PCGF5: variants seen among roughly 807,000 people sequenced by gnomAD.
PCGF5 encodes the protein polycomb group ring finger 5.
A neutral mutation model predicts 44.3 loss-of-function variants in PCGF5; 9 were observed. That is an observed-to-expected ratio of 0.20 (90% CI 0.12 to 0.35). The LOEUF (loss-of-function observed/expected upper bound fraction) is 0.35, where lower values mean the gene tolerates loss of function less well. Ranked by LOEUF, PCGF5 falls within the 10% of genes least tolerant of loss-of-function variation. PCGF5 has a pLI of 1.00. For missense variants in PCGF5, 146 were observed against 305.3 expected, an observed-to-expected ratio of 0.48 and a Z score of 3.89; for synonymous variants, 95 against 102.5, an observed-to-expected ratio of 0.93 and a Z score of 0.44.
intron 6 of PCGF5, among the ~76,000 whole-genome samples, chr10:91,252,112 C>T (rs1381254140): frequency 6.6e-6 from 1 of 151,872 alleles, no homozygotes; most frequent in Non-Finnish European, 1.5e-5. Context: ...TGTTTTCTAC[C>T]TTTTTATTAC....
intron 1 of PCGF5, among the ~76,000 whole-genome samples, chr10:91,193,978 T>C (rs1844081765): frequency 6.6e-6 from 1 of 152,154 alleles, no homozygotes; most frequent in Non-Finnish European, 1.5e-5. Context: ...GGATGATTCC[T>C]TGGGTTCAGG....
In PCGF5 at chr10:91,232,621, T is replaced by C. The variant is rs186609810; in HGVS notation, c.113-7863T>C. Among the ~76,000 whole-genome samples, 434 of 152,304 alleles carry C rather than the reference T, an allele frequency of 2.8e-3. 4 individuals are homozygous for C. Among genetic ancestry groups the C allele is most frequent in the African/African-American group, 8.8e-3 (365 of 41,560 alleles). Reference sequence around the variant, plus strand: ...GTTCTTAGGTCATGGTGACAGGATCTGGCATATAGGGCAGAGGATGGCTTT... The same window carrying C: ...GTTCTTAGGTCATGGTGACAGGATCCGGCATATAGGGCAGAGGATGGCTTT... On this transcript the variant is annotated intron_variant, in intron 2 of 9. Transcript: ENST00000336126.
chr10:91,201,575 C>T (rs567762001), intron 1 of PCGF5, among the ~76,000 whole-genome samples: 3 of 152,254 alleles, frequency 2.0e-5, no homozygotes, highest in African/African-American at 7.2e-5. Flanking sequence ...GGAGAACTAT[C>T]TTCTCCCCTC....
chr10:91,259,579 G>A (rs896870357), intron 6 of PCGF5, among the ~76,000 whole-genome samples: 2 of 152,082 alleles, frequency 1.3e-5, no homozygotes, highest in Non-Finnish European at 2.9e-5. Flanking sequence ...ATTCTACAAG[G>A]CTACAGTAAC....
intron 1 of PCGF5, among the ~76,000 whole-genome samples, chr10:91,210,876 A>G (rs369840094): frequency 6.6e-6 from 1 of 152,228 alleles, no homozygotes; most frequent in East Asian, 1.9e-4. Context: ...AGTTTCACCT[A>G]TTCTCTCATT....
chr10:91,239,587 T>C (rs1008076170), intron 2 of PCGF5, among the ~76,000 whole-genome samples: 2 of 152,194 alleles, frequency 1.3e-5, no homozygotes, highest in East Asian at 3.8e-4. Flanking sequence ...TTTCAGGTTA[T>C]ACGGGGTAAT....
At chr10:91,264,550 T>G in intron 8 of PCGF5, 30 bp downstream of exon 8, 1 of 1,471,880 alleles carries the variant, frequency 6.8e-7, no homozygotes, top group Non-Finnish European at 9.4e-7. Context: ...ACCTATGTGT[T>G]TATTTAGTTA....
chr10:91,251,090 G>C (rs1845612410), intron 5 of PCGF5, among the ~76,000 whole-genome samples: 2 of 145,500 alleles, frequency 1.4e-5, no homozygotes, highest in Non-Finnish European at 3.0e-5. Context: ...ATGTTAATAA[G>C]TTTCCAATTT....
chr10:91,255,371 T>A (rs1169351903), intron 6 of PCGF5, among the ~76,000 whole-genome samples: 1 of 152,020 alleles, frequency 6.6e-6, no homozygotes, highest in African/African-American at 2.4e-5. Context: ...CACGTGCATA[T>A]GTAGAGTTGT....
chr10:91,236,202 C>T (rs1053185536), intron 2 of PCGF5, among the ~76,000 whole-genome samples: 4 of 152,178 alleles, frequency 2.6e-5, no homozygotes, highest in African/African-American at 7.2e-5. Context: ...CCTGGAGCTG[C>T]GCAGCCCAGG....
chr10:91,261,460 T>G (rs377130868), intron 7 of PCGF5, 36 bp downstream of exon 7: 2 of 1,384,034 alleles, frequency 1.4e-6, no homozygotes, highest in Admixed American at 2.6e-5. Flanking sequence ...ATCATTTTGA[T>G]AATTCTGATT....
At chr10:91,263,478 A>C (rs554849515) in intron 7 of PCGF5, among the ~76,000 whole-genome samples, 2 of 152,262 alleles carry the variant, frequency 1.3e-5, no homozygotes, top group South Asian at 4.1e-4. Flanking sequence ...AAAGTTCAAA[A>C]CTGTAGTCTC....
intron 6 of PCGF5, among the ~76,000 whole-genome samples, chr10:91,256,265 T>C (rs1353670076): frequency 6.6e-6 from 1 of 152,120 alleles, no homozygotes; most frequent in Non-Finnish European, 1.5e-5. Context: ...TAAATGTCTT[T>C]TAATATTCTG....
chr10:91,192,696 A>T (rs1216707647), intron 1 of PCGF5, among the ~76,000 whole-genome samples: 2 of 152,208 alleles, frequency 1.3e-5, no homozygotes, highest in African/African-American at 4.8e-5. Flanking sequence ...CATAGTAAAC[A>T]TTTATTATAT....
intron 7 of PCGF5, among the ~76,000 whole-genome samples, chr10:91,262,684 A>G (rs769767025): frequency 2.0e-5 from 3 of 152,200 alleles, no homozygotes; most frequent in Non-Finnish European, 4.4e-5. Flanking sequence ...TTATTATGGT[A>G]TGGTTCTACA....
In PCGF5 at chr10:91,220,696, G is replaced by A. The variant is rs1487058460; in HGVS notation, c.-324G>A. On this transcript the variant is annotated 5_prime_UTR_variant, in exon 1 of 10. Transcript: ENST00000336126. ...TGAGCCGAGTGGCCCCACAGAGCCG[G>A]CGCGCTCCCGCCTGCAGGGGGAGAG... 1 of 151,992 alleles carries A rather than the reference G, an allele frequency of 6.6e-6. No homozygotes were observed. The highest frequency in any genetic ancestry group is 1.5e-5 in the Non-Finnish European group (1 of 67,966). 9.4% of individuals were successfully genotyped at this position (151,992 alleles called of 1,614,324 possible). A position where few individuals can be genotyped will look rare whatever the true frequency, so the allele number is the denominator to read the frequency against.
At chr10:91,178,868 A>C (rs531164192) in intron 1 of PCGF5, among the ~76,000 whole-genome samples, 231 of 152,324 alleles carry the variant, frequency 1.5e-3, no homozygotes, top group African/African-American at 5.4e-3. Context: ...TTTTGCACCA[A>C]CGTAATACAT....
rs774023504 is a variant in PCGF5 at position 91,240,630 on chromosome 10, G to C, written c.209+50G>C. 2.4e-5 allele frequency: 29 copies of C among 1,217,846 alleles called. No homozygotes were observed. The Admixed American group carries it at 5.2e-4, about 22-fold the overall frequency. The allele number at this position is 1,217,846 out of a possible 1,614,324, so 75.4% of individuals were successfully genotyped here. A position where few individuals can be genotyped will look rare whatever the true frequency, so the allele number is the denominator to read the frequency against. On this transcript the variant is annotated intron_variant, in intron 3 of 9. Coordinates refer to ENST00000336126, the MANE Select transcript of PCGF5 (RefSeq NM_032373.5). Reference sequence around the variant, plus strand: ...CATCTAATTTACATAAATTGAATAGGCTCTTAATTTTTATTGTATGTCATA... The same window carrying C: ...CATCTAATTTACATAAATTGAATAGCCTCTTAATTTTTATTGTATGTCATA...
rs1846437570 is a variant in PCGF5, at chr10:91,280,880, C to G, written c.*2564C>G. ...TGATAAAATGAATTCTTTAAATAAC[C>G]TATAGGAATCATCTGAATCTGTAAC... On this transcript the variant is annotated 3_prime_UTR_variant, in exon 10 of 10. Transcript: ENST00000336126. 2 of 152,330 alleles carry G rather than the reference C, an allele frequency of 1.3e-5. No homozygotes were observed. The highest frequency in any genetic ancestry group is 2.9e-5 in the Non-Finnish European group (2 of 67,864). The allele number at this position is 152,330 out of a possible 1,614,324, so 9.4% of individuals were successfully genotyped here.
Sources: gnomAD v4.1 joint callset for allele counts (sites outside exome capture counted in the v4.1 genomes callset) on GRCh38, gnomAD v4.1.1 for gene constraint, MANE v1.5 for transcripts, NCBI Gene and HGNC (gene_info 2026-07-23, HGNC 2026-07-21) for gene names.